The following LPGAT1 variants were observed in gnomAD, a reference collection of about 807,000 sequenced individuals.
LPGAT1 encodes lysophosphatidylglycerol acyltransferase 1.
LPGAT1 carries 11 observed loss-of-function variants against 47.5 expected under a neutral mutation model. That is an observed-to-expected ratio of 0.23 (90% CI 0.15 to 0.38). The LOEUF is 0.38. LPGAT1 is among the 10% of genes least tolerant of loss of function. LPGAT1 has a pLI of 1.00. For missense variants in LPGAT1, 293 were observed against 439.0 expected, an observed-to-expected ratio of 0.67 and a Z score of 2.97; for synonymous variants, 138 against 144.2, an observed-to-expected ratio of 0.96 and a Z score of 0.31.
At chr1:211,824,170 G>A (rs997968952) in intron 2 of LPGAT1, among the ~76,000 whole-genome samples, 4 of 152,082 alleles carry the variant, frequency 2.6e-5, no homozygotes, top group African/African-American at 9.7e-5. Context: ...GCCAAGGTGG[G>A]CGGATCACTT....
At chr1:211,819,329 C>A (rs756333307) in intron 2 of LPGAT1, among the ~76,000 whole-genome samples, 5 of 152,072 alleles carry the variant, frequency 3.3e-5, no homozygotes, top group Non-Finnish European at 5.9e-5. Context: ...CCCATCTCTA[C>A]AAGAAAATTA....
intron 6 of LPGAT1, among the ~76,000 whole-genome samples, chr1:211,772,660 C>T (rs906131315): frequency 6.6e-6 from 1 of 152,038 alleles, no homozygotes; most frequent in Non-Finnish European, 1.5e-5. Context: ...AGGCTTGCTT[C>T]AAAATAATCC....
chr1:211,751,061 A>C lies in LPGAT1; in HGVS notation c.861T>G (p.Phe287Leu). The change falls in exon 7 of 8, where the codon TTT becomes TTG. Residue 287 changes from phenylalanine to leucine, a missense_variant. Transcript: ENST00000366997. ...TCTCCAGGGGTACATCTTTAATTGG[A>C]AAGATCCTATTAAGGGTTAGAAGAA... ...PTVTHVHYRI[F>L]PIKDVPLETD... is the part of the protein sequence containing the mutation. 6.2e-7 allele frequency: 1 copy of C among 1,606,220 alleles called. No individual in the cohort carries two copies. The highest frequency in any genetic ancestry group is 8.5e-7 in the Non-Finnish European group (1 of 1,173,372).
At chr1:211,762,409 C>A (rs1223472271) in intron 6 of LPGAT1, among the ~76,000 whole-genome samples, 1 of 152,194 alleles carries the variant, frequency 6.6e-6, no homozygotes, top group East Asian at 1.9e-4. Context: ...CTGGGATATT[C>A]TCTTCTCTTA....
chr1:211,826,544 A>T (rs1660548435), intron 2 of LPGAT1, among the ~76,000 whole-genome samples: 1 of 152,170 alleles, frequency 6.6e-6, no homozygotes, highest in Non-Finnish European at 1.5e-5. Context: ...TTAAATTTAA[A>T]CAGTGACATG....
At chr1:211,765,322 G>A (rs944793024) in intron 6 of LPGAT1, among the ~76,000 whole-genome samples, 2 of 151,810 alleles carry the variant, frequency 1.3e-5, no homozygotes, top group African/African-American at 4.8e-5. Flanking sequence ...TATTTTTTCT[G>A]TCATTTTTTT....
At chr1:211,778,774 T>C in intron 6 of LPGAT1, 144 bp downstream of exon 6, 2 of 579,452 alleles carry the variant, frequency 3.5e-6, no homozygotes, top group East Asian at 3.3e-5. Flanking sequence ...CTTCAAATGA[T>C]ATTTTAATAT....
intron 7 of LPGAT1, 131 bp downstream of exon 7, chr1:211,750,830 A>C: frequency 1.6e-6 from 1 of 637,992 alleles, no homozygotes; most frequent in South Asian, 2.1e-5. Flanking sequence ...TCATGAGGGG[A>C]TTTGCTTCTC....
chr1:211,780,456 A>T (rs1295891203), intron 5 of LPGAT1, among the ~76,000 whole-genome samples: 1 of 152,214 alleles, frequency 6.6e-6, no homozygotes. Flanking sequence ...ATAATGGTCC[A>T]TTCTTTATTT....
intron 2 of LPGAT1, among the ~76,000 whole-genome samples, chr1:211,812,825 T>G (rs1465689367): frequency 6.6e-6 from 1 of 152,070 alleles, no homozygotes; most frequent in Non-Finnish European, 1.5e-5. Flanking sequence ...TTGGAAGAGG[T>G]GAGGGATCTC....
rs139020307 is a variant in LPGAT1, at chr1:211,795,761, A to T, written c.239-2571T>A. On this transcript the variant is annotated intron_variant, in intron 2 of 7. Coordinates refer to ENST00000366997, the MANE Select transcript of LPGAT1 (RefSeq NM_014873.3). ...AACCCTCCAATGGAGACACACGGAC[A>T]TACAAACACACAAACACACACACAC... 8.5e-4 allele frequency among the ~76,000 whole-genome samples: 130 copies of T among 152,338 alleles called. 1 individual carries two copies. In the East Asian group the frequency reaches 0.024, roughly 28 times the overall value.
chr1:211,796,683 CA>C (rs1017790877), intron 2 of LPGAT1, among the ~76,000 whole-genome samples: 1 of 152,138 alleles, frequency 6.6e-6, no homozygotes, highest in African/African-American at 2.4e-5. Context: ...CTTCCCTTTC[CA>C]TTCTATTTTC....
chr1:211,794,142 CAT>C (rs1659253066), intron 2 of LPGAT1, among the ~76,000 whole-genome samples: 1 of 152,166 alleles, frequency 6.6e-6, no homozygotes, highest in African/African-American at 2.4e-5. Flanking sequence ...AACATTCAGA[CAT>C]AATAATGCAT....
chr1:211,750,209 G>A lies in LPGAT1; in HGVS notation c.962-159C>T, dbSNP rs1346645336. ...AGATTTTATTTGAAATACAATTTCT[G>A]TACTACCTAGCCCCTTCTTGCCTCT... is the stretch of plus-strand genomic sequence containing the variant. On this transcript the variant is annotated intron_variant, in intron 7 of 7. Transcript: ENST00000366997. 2.0e-5 allele frequency among the ~76,000 whole-genome samples: 3 copies of A among 152,172 alleles called. No individual in the cohort carries two copies. The East Asian group carries it at 5.8e-4, about 29-fold the overall frequency.
chr1:211,791,304 T>C (rs989470231), intron 3 of LPGAT1, among the ~76,000 whole-genome samples: 21 of 152,214 alleles, frequency 1.4e-4, no homozygotes, highest in Non-Finnish European at 2.6e-4. Flanking sequence ...TTTGCCAAGA[T>C]TGTTTCATTA....
intron 2 of LPGAT1, among the ~76,000 whole-genome samples, chr1:211,826,203 CAAG>C (rs1571774379): frequency 6.6e-6 from 1 of 152,250 alleles, no homozygotes; most frequent in East Asian, 1.9e-4. Flanking sequence ...ATTACTCATC[CAAG>C]AAGCATGTAT....
chr1:211,786,197 C>T (rs1473454461), intron 4 of LPGAT1, among the ~76,000 whole-genome samples: 1 of 152,166 alleles, frequency 6.6e-6, no homozygotes, highest in African/African-American at 2.4e-5. Context: ...CTCAGAAGAA[C>T]AAAGGATGTT....
At chr1:211,828,117 T>A (rs1350046591) in intron 2 of LPGAT1, among the ~76,000 whole-genome samples, 1 of 152,190 alleles carries the variant, frequency 6.6e-6, no homozygotes, top group East Asian at 1.9e-4. Context: ...CCCTCCTCAC[T>A]CTGCCAAGCT....
At position 211,830,070 on chromosome 1, in the gene LPGAT1, T is replaced by C; in HGVS notation, c.-28+503A>G. 3.0e-6 allele frequency: 3 copies of C among 984,510 alleles called. No individual in the cohort carries two copies. The highest frequency in any genetic ancestry group is 3.6e-6 in the Non-Finnish European group (3 of 829,982). The allele number at this position is 984,510 out of a possible 1,614,324, so 61.0% of individuals were successfully genotyped here. On this transcript the variant is annotated intron_variant, in intron 1 of 7. Coordinates refer to ENST00000366997, the MANE Select transcript of LPGAT1 (RefSeq NM_014873.3). The surrounding 1 kb of genome is among the most constrained non-coding windows in gnomAD (Gnocchi z 5.9). The stretch of plus-strand genomic sequence containing the variant: ...CAGAGGGCAAGGAAGCAGGGGATGA[T>C]GAAAGGGGCAGAGAAGAGGCGACCG...
Sources: gnomAD v4.1 joint callset for allele counts (sites outside exome capture counted in the v4.1 genomes callset) on GRCh38, gnomAD v4.1.1 for gene constraint, Gnocchi (gnomAD v3.1) non-coding constraint, MANE v1.5 for transcripts, NCBI Gene and HGNC (gene_info 2026-07-23, HGNC 2026-07-21) for gene names.